VPS8: variants seen among roughly 807,000 people sequenced by gnomAD.
VPS8 encodes vacuolar protein sorting-associated protein 8 homolog.
In VPS8, 129 loss-of-function variants were observed where a neutral mutation model predicts 216.4. The observed-to-expected ratio is 0.60, with a 90% confidence interval of 0.52 to 0.69. VPS8 has a LOEUF of 0.69. VPS8 is among the 30% of genes least tolerant of loss of function. VPS8 has a pLI of 0.00. For synonymous variants in VPS8, 571 were observed against 565.4 expected (o/e 1.01, Z -0.14); for missense variants, 1,531 against 1,683.5 (o/e 0.91, Z 1.59).
In VPS8 at chr3:184,847,176, A is replaced by AC. The variant is rs1723289325; in HGVS notation, c.542-1895_542-1894insC. On this transcript the variant is annotated intron_variant, in intron 8 of 47. Transcript: ENST00000625842. ...GAAGGCTAAAATCCAAAATGATTGA[A>AC]AAAAATAGAGTATTTTCTATGTGCT... Among the ~76,000 whole-genome samples the AC allele has an allele frequency of 1.3e-5, 2 of 152,200 alleles. 1 individual carries two copies. Among genetic ancestry groups the AC allele is most frequent in the South Asian group, 4.1e-4 (2 of 4,832 alleles).
chr3:184,856,639 A>G (rs1171997565), intron 14 of VPS8, among the ~76,000 whole-genome samples: 1 of 152,080 alleles, frequency 6.6e-6, no homozygotes, highest in African/African-American at 2.4e-5. Flanking sequence ...AATCTCTTGA[A>G]TTTCTCCTTT....
chr3:184,856,405 G>A (rs773873428), intron 14 of VPS8, among the ~76,000 whole-genome samples: 1 of 152,192 alleles, frequency 6.6e-6, no homozygotes, highest in Non-Finnish European at 1.5e-5. Flanking sequence ...TGCAACTACT[G>A]CAGGAAGGGT....
intron 20 of VPS8, among the ~76,000 whole-genome samples, chr3:184,869,976 A>G (rs1421375777): frequency 6.6e-6 from 1 of 151,468 alleles, no homozygotes; most frequent in African/African-American, 2.4e-5. Flanking sequence ...TCCCTTGCTC[A>G]CTCTTTTATG....
intron 15 of VPS8, among the ~76,000 whole-genome samples, chr3:184,862,061 G>A (rs1726481963): frequency 6.6e-6 from 1 of 152,028 alleles, no homozygotes. Context: ...TTTTCAACTG[G>A]TTATCTTTAA....
intron 21 of VPS8, among the ~76,000 whole-genome samples, chr3:184,880,158 C>T (rs1730025183): frequency 6.6e-6 from 1 of 152,028 alleles, no homozygotes; most frequent in Non-Finnish European, 1.5e-5. Context: ...TGATCCCATA[C>T]CCTTAAACCA....
chr3:184,968,814 G>A (rs949482639), intron 39 of VPS8, among the ~76,000 whole-genome samples: 4 of 152,078 alleles, frequency 2.6e-5, no homozygotes, highest in African/African-American at 9.7e-5. Flanking sequence ...TTTAACACAC[G>A]TTTCTTAGAG....
chr3:184,983,756 A>G (rs575185333), intron 42 of VPS8, among the ~76,000 whole-genome samples: 1 of 152,182 alleles, frequency 6.6e-6, no homozygotes, highest in South Asian at 2.1e-4. Flanking sequence ...TTTATTCAGT[A>G]TAGGCATACA....
intron 37 of VPS8, among the ~76,000 whole-genome samples, chr3:184,960,074 TAAGA>T (rs1277573206): frequency 6.6e-6 from 1 of 151,638 alleles, no homozygotes; most frequent in African/African-American, 2.4e-5. Context: ...CACCTATGAA[TAAGA>T]ACATGCGGTG....
At chr3:184,894,992 C>T in intron 23 of VPS8, 67 bp downstream of exon 23, 1 of 1,361,574 alleles carries the variant, frequency 7.3e-7, no homozygotes, top group Non-Finnish European at 1.0e-6. Context: ...ACACTTACTT[C>T]ACTGATCAGG....
At chr3:184,868,126 A>G (rs371994911) in intron 18 of VPS8, 67 bp downstream of exon 18, 131 of 1,525,140 alleles carry the variant, frequency 8.6e-5, no homozygotes, top group Non-Finnish European at 1.2e-4. Context: ...TTCTGTTTTG[A>G]CTTTTCAGAA....
chr3:184,838,045 A>C (rs1290949468), intron 5 of VPS8, among the ~76,000 whole-genome samples: 1 of 152,212 alleles, frequency 6.6e-6, no homozygotes, highest in Non-Finnish European at 1.5e-5. Flanking sequence ...TGATACTCTT[A>C]CATATTTATT....
intron 41 of VPS8, 77 bp from the exon 42 acceptor site, chr3:184,982,934 GT>G (rs1750453176): frequency 1.5e-6 from 2 of 1,308,744 alleles, no homozygotes; most frequent in East Asian, 2.7e-5. Context: ...TAAATGCACT[GT>G]TTTTCCACAG....
chr3:184,833,311 G>A (rs1354600538), intron 4 of VPS8, among the ~76,000 whole-genome samples: 1 of 152,114 alleles, frequency 6.6e-6, no homozygotes, highest in Non-Finnish European at 1.5e-5. Flanking sequence ...CAAGTTCTTG[G>A]AGAGACTATG....
At chr3:184,984,092 G>A (rs1237138927) in intron 42 of VPS8, among the ~76,000 whole-genome samples, 1 of 145,562 alleles carries the variant, frequency 6.9e-6, no homozygotes, top group African/African-American at 2.5e-5. Context: ...GCTGAGGCAG[G>A]AGAATGGCGT....
At chr3:184,876,207 C>T (rs894492880) in intron 21 of VPS8, among the ~76,000 whole-genome samples, 1 of 152,062 alleles carries the variant, frequency 6.6e-6, no homozygotes, top group African/African-American at 2.4e-5. Context: ...CTTATTGATT[C>T]TCTTTGTTTA....
chr3:185,002,282 A>C (rs1753520521), intron 45 of VPS8, among the ~76,000 whole-genome samples: 1 of 151,978 alleles, frequency 6.6e-6, no homozygotes, highest in African/African-American at 2.4e-5. Flanking sequence ...TTCTTGAGAA[A>C]TTTTTCATGA....
chr3:184,930,804 T>C (rs767495394), intron 34 of VPS8, among the ~76,000 whole-genome samples: 2 of 152,236 alleles, frequency 1.3e-5, no homozygotes, highest in Non-Finnish European at 2.9e-5. Flanking sequence ...TGACAAACTA[T>C]TATTAATGCA....
chr3:184,920,334 T>C, intron 29 of VPS8, 136 bp downstream of exon 29: 1 of 586,000 alleles, frequency 1.7e-6, no homozygotes, highest in Admixed American at 3.9e-5. Context: ...ACGGTGTCTT[T>C]GTTCTCAAGA....
intron 4 of VPS8, among the ~76,000 whole-genome samples, chr3:184,833,290 T>C (rs1370425910): frequency 6.6e-6 from 1 of 152,146 alleles, no homozygotes; most frequent in Non-Finnish European, 1.5e-5. Flanking sequence ...TTTGGGCTGC[T>C]TTTCACCTTC....
Sources: allele counts gnomAD v4.1 joint callset (sites outside exome capture counted in the v4.1 genomes callset), GRCh38; gene constraint gnomAD v4.1.1; transcripts MANE v1.5; gene names NCBI Gene and HGNC (gene_info 2026-07-23, HGNC 2026-07-21).